The following RELN variants were observed in gnomAD, a reference collection of about 807,000 sequenced individuals.
RELN encodes the protein reelin.
RELN carries 108 observed loss-of-function variants against 427.6 expected under a neutral mutation model. The ratio of observed to expected loss-of-function variants is 0.25; its 90% CI spans 0.22 to 0.30. The LOEUF (loss-of-function observed/expected upper bound fraction) is 0.30, where lower values mean the gene tolerates loss of function less well. RELN is among the 10% of genes least tolerant of loss of function. The pLI is 1.00. For synonymous variants in RELN, 1,524 were observed against 1,513.4 expected (o/e 1.01, Z -0.16); for missense variants, 3,715 against 4,302.8 (o/e 0.86, Z 3.82).
intron 2 of RELN, among the ~76,000 whole-genome samples, chr7:103,892,671 C>A (rs1794876060): frequency 6.6e-6 from 1 of 152,064 alleles, no homozygotes; most frequent in Non-Finnish European, 1.5e-5. Flanking sequence ...TAATATTTCC[C>A]AAATATTTGA....
intron 3 of RELN, among the ~76,000 whole-genome samples, chr7:103,819,551 A>T (rs1428391068): frequency 2.0e-5 from 3 of 152,248 alleles, no homozygotes; most frequent in East Asian, 3.9e-4. Flanking sequence ...TCTTCAAGAG[A>T]AGTCTCTGAT....
At chr7:103,872,043 C>CTT (rs374943426) in intron 2 of RELN, among the ~76,000 whole-genome samples, 1 of 119,548 alleles carries the variant, frequency 8.4e-6, no homozygotes, top group African/African-American at 2.9e-5. Context: ...TTTCTTTTTT[C>CTT]TTTTTTTTCT....
At chr7:103,873,159 A>G (rs1016582181) in intron 2 of RELN, among the ~76,000 whole-genome samples, 4 of 150,628 alleles carry the variant, frequency 2.7e-5, no homozygotes, top group Non-Finnish European at 5.9e-5. Flanking sequence ...GAAACCAACG[A>G]GAACAAAGAC....
intron 2 of RELN, among the ~76,000 whole-genome samples, chr7:103,848,829 T>G (rs1227100360): frequency 2.0e-5 from 3 of 152,214 alleles, no homozygotes; most frequent in African/African-American, 7.2e-5. Context: ...GTAGCTAAAA[T>G]AACTGATAGT....
intron 1 of RELN, among the ~76,000 whole-genome samples, chr7:103,982,048 C>T (rs564422827): frequency 6.6e-6 from 1 of 152,202 alleles, no homozygotes; most frequent in African/African-American, 2.4e-5. Context: ...CACCTGTAGT[C>T]CCAGCTATTC....
chr7:103,954,855 T>G (rs1339427769), intron 1 of RELN, among the ~76,000 whole-genome samples: 1 of 152,218 alleles, frequency 6.6e-6, no homozygotes. Flanking sequence ...AGTAAAAGTT[T>G]CCATTTATCC....
intron 12 of RELN, 102 bp from the exon 13 acceptor site, chr7:103,654,307 G>C: frequency 2.8e-6 from 2 of 722,674 alleles, no homozygotes; most frequent in South Asian, 2.9e-5. Context: ...ATAGTACCCA[G>C]ATGTCACTTA....
intron 3 of RELN, among the ~76,000 whole-genome samples, chr7:103,810,446 G>T (rs1792712096): frequency 6.6e-6 from 1 of 152,168 alleles, no homozygotes. Flanking sequence ...GGAACCAGAG[G>T]AAGGAGGAGA....
intron 1 of RELN, among the ~76,000 whole-genome samples, chr7:103,981,705 C>G (rs1176985572): frequency 6.6e-6 from 1 of 152,222 alleles, no homozygotes; most frequent in Non-Finnish European, 1.5e-5. Context: ...AAGGAGGACC[C>G]AGCTCCCTCT....
In RELN at chr7:103,556,256, CAGA is replaced by C. The variant is rs138731458; in HGVS notation, c.5797+718_5797+720del. 2.0e-4 allele frequency among the ~76,000 whole-genome samples: 30 copies of C among 152,198 alleles called. No individual in the cohort carries two copies. The East Asian group carries it at 4.8e-3, about 25-fold the overall frequency. On this transcript the variant is annotated intron_variant, in intron 38 of 64. Coordinates refer to ENST00000428762, the MANE Select transcript of RELN (RefSeq NM_005045.4). The stretch of plus-strand genomic sequence containing the variant: ...TATTTCACTAATGAAACGCCACACT[CAGA>C]AGAACTATGTATTCCCAAATAAATG...
chr7:103,829,039 C>T (rs1248918999), intron 3 of RELN, among the ~76,000 whole-genome samples: 8 of 151,868 alleles, frequency 5.3e-5, no homozygotes, highest in Admixed American at 5.3e-4. Context: ...GGTGAGTTAC[C>T]TTAGGCAAGT....
At chr7:103,598,101 G>T (rs943127006) in intron 24 of RELN, among the ~76,000 whole-genome samples, 5 of 152,150 alleles carry the variant, frequency 3.3e-5, no homozygotes, top group African/African-American at 1.2e-4. Context: ...AAGGGTTTCG[G>T]TTATTAGAAG....
chr7:103,545,184 A>G lies in RELN; in HGVS notation c.6463T>C (p.Ser2155Pro). Residue 2155 changes from serine (S) to proline (P), a missense_variant, in exon 42 of 65, where the codon TCA (serine) becomes CCA (proline). By Grantham distance (74) the Ser-to-Pro change is moderately conservative (BLOSUM62 -1). Transcript: ENST00000428762. ...GTGCTTATTTTACAGGTTGGACCTG[A>G]GTAGCCAGGGTCACATATACATTTG... ...GTKCICDPGY[S>P]GPTCKISTKN... is the part of the protein sequence containing the mutation. The G allele has an allele frequency of 6.2e-7, 1 of 1,614,170 alleles. No homozygotes were observed. The highest frequency in any genetic ancestry group is 8.5e-7 in the Non-Finnish European group (1 of 1,180,026).
At chr7:103,741,830 T>C (rs1183641564) in intron 6 of RELN, among the ~76,000 whole-genome samples, 1 of 152,120 alleles carries the variant, frequency 6.6e-6, no homozygotes, top group East Asian at 1.9e-4. Flanking sequence ...GATGGCCGAA[T>C]AGGAACAGCT....
chr7:103,509,352 A>G (rs1829320896), intron 51 of RELN, among the ~76,000 whole-genome samples: 1 of 152,152 alleles, frequency 6.6e-6, no homozygotes, highest in Admixed American at 6.5e-5. Context: ...AACACCACAC[A>G]TCTACAACCA....
chr7:103,982,888 T>C (rs1042807432), intron 1 of RELN, among the ~76,000 whole-genome samples: 1 of 152,232 alleles, frequency 6.6e-6, no homozygotes, highest in African/African-American at 2.4e-5. Context: ...CTTGAAATCC[T>C]GGGCTCAAGT....
At chr7:103,746,358 C>T (rs1216161945) in intron 6 of RELN, among the ~76,000 whole-genome samples, 10 of 152,244 alleles carry the variant, frequency 6.6e-5, no homozygotes, top group Middle Eastern at 3.4e-3. Flanking sequence ...TAGGTATGGG[C>T]AAGGACTTCA....
At chr7:103,676,744 A>C (rs1350244371) in intron 11 of RELN, among the ~76,000 whole-genome samples, 1 of 152,014 alleles carries the variant, frequency 6.6e-6, no homozygotes, top group Admixed American at 6.6e-5. Flanking sequence ...TTGTAGGGAC[A>C]CGGATGAAAC....
intron 2 of RELN, among the ~76,000 whole-genome samples, chr7:103,876,390 A>C (rs1794479199): frequency 6.6e-6 from 1 of 152,158 alleles, no homozygotes; most frequent in Non-Finnish European, 1.5e-5. Context: ...CACACACACA[A>C]ATAAAATTAC....
Sources: gnomAD v4.1 joint callset for allele counts (sites outside exome capture counted in the v4.1 genomes callset) on GRCh38, gnomAD v4.1.1 for gene constraint, MANE v1.5 for transcripts, NCBI Gene and HGNC (gene_info 2026-07-23, HGNC 2026-07-21) for gene names.